COL22A1: variants seen among roughly 807,000 people sequenced by gnomAD.
The protein encoded by COL22A1 is collagen type XXII alpha 1 chain, also known as collagen alpha-1(XXII) chain.
In COL22A1, 221 loss-of-function variants were observed where a neutral mutation model predicts 248.9. The ratio of observed to expected loss-of-function variants is 0.89; its 90% CI spans 0.80 to 0.99. The LOEUF is 0.99. COL22A1 is among the 50% of genes least tolerant of loss of function. The probability of loss-of-function intolerance (pLI) is 0.00; values close to 1 mark genes in which losing one functional copy is unlikely to be tolerated. For synonymous variants in COL22A1, 891 were observed against 793.4 expected (o/e 1.12, Z -2.07); for missense variants, 2,240 against 2,179.0 (o/e 1.03, Z -0.56).
At chr8:138,697,603 A>T (rs1266582778) in intron 32 of COL22A1, among the ~76,000 whole-genome samples, 1 of 152,150 alleles carries the variant, frequency 6.6e-6, no homozygotes, top group Non-Finnish European at 1.5e-5. Flanking sequence ...AGCCATCCCC[A>T]GGAGCCTCCT....
intron 3 of COL22A1, among the ~76,000 whole-genome samples, chr8:138,868,472 C>T (rs531409414): frequency 1.3e-5 from 2 of 152,274 alleles, no homozygotes; most frequent in Non-Finnish European, 2.9e-5. Context: ...CAAATATTTA[C>T]AGAGGCTCCT....
In COL22A1 at chr8:138,778,318, G is replaced by A. The variant is rs577826184; in HGVS notation, c.1758+35C>T. ...CTGGTTTTTGATTCCTGGAGAAGGGGTAGAACCCCTGCCCAGACAAGTGCC... is the reference window on the plus strand; with the variant it reads ...CTGGTTTTTGATTCCTGGAGAAGGGATAGAACCCCTGCCCAGACAAGTGCC... On this transcript the variant is annotated intron_variant, in intron 15 of 64. Transcript: ENST00000303045. 1.2e-5 allele frequency: 19 copies of A among 1,613,732 alleles called. No homozygotes were observed. In the South Asian group the frequency reaches 1.8e-4, roughly 15 times the overall value.
intron 62 of COL22A1, among the ~76,000 whole-genome samples, chr8:138,595,493 A>G (rs756024142): frequency 6.6e-6 from 1 of 152,136 alleles, no homozygotes; most frequent in Non-Finnish European, 1.5e-5. Context: ...ATCTACACAC[A>G]TGAGACCTCA....
chr8:138,872,827 G>A (rs764634618), intron 3 of COL22A1, among the ~76,000 whole-genome samples: 8 of 152,218 alleles, frequency 5.3e-5, no homozygotes, highest in Non-Finnish European at 1.0e-4. Flanking sequence ...GGGGAGGGAG[G>A]TCAGATATGA....
intron 58 of COL22A1, 75 bp from the exon 59 acceptor site, chr8:138,604,844 G>A: frequency 8.1e-7 from 1 of 1,228,336 alleles, no homozygotes; most frequent in Non-Finnish European, 1.2e-6. Context: ...CTTTAAAACT[G>A]ACATTTCCAC....
intron 15 of COL22A1, among the ~76,000 whole-genome samples, chr8:138,776,213 C>T (rs192782235): frequency 1.2e-3 from 176 of 152,284 alleles, no homozygotes; most frequent in African/African-American, 4.0e-3. Context: ...AGAGGCAGGC[C>T]ACTTCCAGAG....
intron 45 of COL22A1, among the ~76,000 whole-genome samples, chr8:138,654,542 A>C (rs1442763037): frequency 6.6e-6 from 1 of 152,202 alleles, no homozygotes; most frequent in Non-Finnish European, 1.5e-5. Flanking sequence ...TTAGAGAACA[A>C]GAGGGAAGGA....
At chr8:138,642,767 A>C (rs1303357482) in intron 47 of COL22A1, among the ~76,000 whole-genome samples, 1 of 152,184 alleles carries the variant, frequency 6.6e-6, no homozygotes, top group African/African-American at 2.4e-5. Flanking sequence ...GCGGTGGCTC[A>C]TGCCTGTAAT....
At chr8:138,772,178 T>C (rs984642620) in intron 16 of COL22A1, among the ~76,000 whole-genome samples, 1 of 152,228 alleles carries the variant, frequency 6.6e-6, no homozygotes, top group African/African-American at 2.4e-5. Context: ...AGTTCGATCT[T>C]GGTTCCTGCA....
At chr8:138,719,415 G>A (rs1829698073) in intron 27 of COL22A1, among the ~76,000 whole-genome samples, 1 of 152,146 alleles carries the variant, frequency 6.6e-6, no homozygotes, top group Non-Finnish European at 1.5e-5. Flanking sequence ...CATTCATGGG[G>A]GCCATGAGGG....
chr8:138,792,809 T>C lies in COL22A1; in HGVS notation c.1596+4010A>G, dbSNP rs537996392. 2.0e-5 allele frequency among the ~76,000 whole-genome samples: 3 copies of C among 152,288 alleles called. No homozygotes were observed. The East Asian group carries it at 5.8e-4, about 29-fold the overall frequency. On this transcript the variant is annotated intron_variant, in intron 12 of 64. Transcript: ENST00000303045. ...CAAGGTCACTCCCCTTGTCTAAGCC[T>C]CAGTTTCCTTAGCTGCCAAAGAACA...
chr8:138,896,731 G>T (rs774109203), intron 1 of COL22A1, among the ~76,000 whole-genome samples: 11 of 152,306 alleles, frequency 7.2e-5, no homozygotes, highest in South Asian at 4.1e-4. Flanking sequence ...CCAACACTTT[G>T]GGAGGCCAAG....
chr8:138,902,142 C>T (rs1021445929), intron 1 of COL22A1, among the ~76,000 whole-genome samples: 1 of 152,124 alleles, frequency 6.6e-6, no homozygotes, highest in African/African-American at 2.4e-5. Context: ...AGAGGTGAGG[C>T]GCTCCATGAG....
intron 1 of COL22A1, among the ~76,000 whole-genome samples, chr8:138,910,441 G>A (rs1815374528): frequency 6.6e-6 from 1 of 152,178 alleles, no homozygotes; most frequent in African/African-American, 2.4e-5. Flanking sequence ...TGAGACCTAT[G>A]TTTGAGACTC....
chr8:138,874,544 C>T (rs1372054908), intron 3 of COL22A1, among the ~76,000 whole-genome samples: 3 of 152,150 alleles, frequency 2.0e-5, no homozygotes, highest in Admixed American at 6.5e-5. Flanking sequence ...TACTGTAGTC[C>T]AGTGAGACCG....
chr8:138,871,307 G>C (rs186410124), intron 3 of COL22A1, among the ~76,000 whole-genome samples: 3 of 152,296 alleles, frequency 2.0e-5, no homozygotes, highest in Non-Finnish European at 4.4e-5. Context: ...GTGTGAACTG[G>C]GAAAGGTAAG....
At chr8:138,780,489 A>G (rs1814865690) in intron 13 of COL22A1, among the ~76,000 whole-genome samples, 1 of 152,212 alleles carries the variant, frequency 6.6e-6, no homozygotes, top group Admixed American at 6.5e-5. Context: ...GCTCAGAGGC[A>G]GGTGAGATGA....
Position 138,703,303 on chromosome 8 carries a change from T to G in COL22A1, c.2559+3A>C, listed in dbSNP as rs778392560. On this transcript the variant is annotated splice_donor_region_variant and intron_variant, in intron 31 of 64. Transcript: ENST00000303045. ...AGAAAGAATTAGAAGCGGAGTAACT[T>G]ACAGTTCCAGGTAACCCGGGAGGGC... 6.2e-7 allele frequency: 1 copy of G among 1,612,782 alleles called. No individual in the cohort carries two copies. Among genetic ancestry groups the G allele is most frequent in the Admixed American group, 1.7e-5 (1 of 60,004 alleles).
chr8:138,630,514 CAG>C (rs1425542426), intron 50 of COL22A1, among the ~76,000 whole-genome samples, 179 bp downstream of exon 50: 6 of 152,296 alleles, frequency 3.9e-5, no homozygotes, highest in Non-Finnish European at 1.5e-5. Flanking sequence ...GCAAAGTAAA[CAG>C]GGGTCCAACA....
Sources: gnomAD v4.1 joint callset for allele counts (sites outside exome capture counted in the v4.1 genomes callset) on GRCh38, gnomAD v4.1.1 for gene constraint, MANE v1.5 for transcripts, NCBI Gene and HGNC (gene_info 2026-07-23, HGNC 2026-07-21) for gene names.